ERC1: variants seen among roughly 807,000 people sequenced by gnomAD.
ERC1 encodes ELKS/RAB6-interacting/CAST family member 1.
ERC1 carries 56 observed loss-of-function variants against 132.0 expected under a neutral mutation model. That is an observed-to-expected ratio of 0.42 (90% CI 0.34 to 0.53). The LOEUF (loss-of-function observed/expected upper bound fraction) is 0.53. Among genes scored for constraint, ERC1 ranks in the 20% least tolerant of loss-of-function variants. The pLI is 0.03. For missense variants in ERC1, 1,202 were observed against 1,349.9 expected, an observed-to-expected ratio of 0.89 and a Z score of 1.72; for synonymous variants, 478 against 476.1, an observed-to-expected ratio of 1.00 and a Z score of -0.05.
intron 12 of ERC1, among the ~76,000 whole-genome samples, chr12:1,215,394 T>A (rs1958303556): frequency 6.6e-6 from 1 of 152,204 alleles, no homozygotes; most frequent in Non-Finnish European, 1.5e-5. Context: ...TAGTAATAAG[T>A]ACCATGAGTG....
intron 16 of ERC1, among the ~76,000 whole-genome samples, chr12:1,372,684 C>T (rs757502956): frequency 4.6e-5 from 7 of 152,336 alleles, no homozygotes; most frequent in Non-Finnish European, 1.0e-4. Context: ...CAGTGCTCCT[C>T]GTTGAGTGCT....
At chr12:1,143,648 CCTTTAATT>C (rs1270732727) in intron 8 of ERC1, among the ~76,000 whole-genome samples, 1 of 150,384 alleles carries the variant, frequency 6.6e-6, no homozygotes, top group East Asian at 1.9e-4. Context: ...TCATCTCCTG[CCTTTAATT>C]CTTTCTGTTG....
chr12:1,310,706 T>C (rs1022416213), intron 15 of ERC1, among the ~76,000 whole-genome samples: 2 of 152,270 alleles, frequency 1.3e-5, no homozygotes, highest in Non-Finnish European at 2.9e-5. Context: ...AGATTTTCCG[T>C]ATTTATCCTC....
At chr12:1,105,451 G>A (rs7486327) in intron 4 of ERC1, among the ~76,000 whole-genome samples, 31,649 of 151,920 alleles carry the variant, frequency 0.21, 3,498 homozygotes, top group Non-Finnish European at 0.24. Context: ...TCCGTCTCCC[G>A]GGTTCACGCC....
At chr12:1,233,437 C>T (rs2075192151) in intron 12 of ERC1, among the ~76,000 whole-genome samples, 1 of 142,444 alleles carries the variant, frequency 7.0e-6, no homozygotes, top group African/African-American at 2.7e-5. Context: ...CGCCACTGCA[C>T]TCCAGCCTGG....
chr12:1,273,910 T>C (rs562191510), intron 14 of ERC1, among the ~76,000 whole-genome samples: 1 of 152,354 alleles, frequency 6.6e-6, no homozygotes, highest in East Asian at 1.9e-4. Flanking sequence ...AGTTGGTCAT[T>C]TTTTAAATTT....
intron 17 of ERC1, among the ~76,000 whole-genome samples, chr12:1,427,258 T>TG (rs1248386279): frequency 2.0e-5 from 3 of 152,200 alleles, no homozygotes; most frequent in Non-Finnish European, 4.4e-5. Context: ...AAAGCACTGC[T>TG]GGGGGCCTTC....
chr12:1,308,544 A>G (rs537843213), intron 15 of ERC1, among the ~76,000 whole-genome samples: 1 of 152,214 alleles, frequency 6.6e-6, no homozygotes, highest in East Asian at 1.9e-4. Context: ...CAATCACTAA[A>G]TTTTTCGTGA....
intron 15 of ERC1, among the ~76,000 whole-genome samples, chr12:1,348,350 G>A (rs1033033898): frequency 6.6e-6 from 1 of 152,138 alleles, no homozygotes; most frequent in East Asian, 1.9e-4. Context: ...ACCATACACT[G>A]CCTGTATGGC....
chr12:1,393,761 C>CTCA (rs1315895695), intron 16 of ERC1, among the ~76,000 whole-genome samples: 1 of 151,788 alleles, frequency 6.6e-6, no homozygotes, highest in Non-Finnish European at 1.5e-5. Context: ...GGCATGGTGG[C>CTCA]TCATGCCTGT....
At position 1,073,145 on chromosome 12, in the gene ERC1, C is replaced by T. The variant is rs193275767; in HGVS notation, c.670-10019C>T. Among the ~76,000 whole-genome samples the T allele has an allele frequency of 5.8e-3, 886 of 152,020 alleles. 6 individuals carry two copies. The highest frequency in any genetic ancestry group is 0.021 in the African/African-American group (852 of 41,488). On this transcript the variant is annotated intron_variant, in intron 2 of 18. Coordinates refer to ENST00000360905, the MANE Select transcript of ERC1 (RefSeq NM_178040.4). ...TGAAACCTCGTCTCTACTAAAAATACAAAAATTAGCTAGGCATGGTGGCTG... is the reference window on the plus strand; with the variant it reads ...TGAAACCTCGTCTCTACTAAAAATATAAAAATTAGCTAGGCATGGTGGCTG...
At chr12:1,007,190 G>C (rs1157450644) in intron 1 of ERC1, among the ~76,000 whole-genome samples, 1 of 152,116 alleles carries the variant, frequency 6.6e-6, no homozygotes, top group Non-Finnish European at 1.5e-5. Context: ...AAAGAGGCTT[G>C]AAATTGGGTT....
chr12:1,443,480 A>G (rs995837264), intron 17 of ERC1: 1 of 152,218 alleles, frequency 6.6e-6, no homozygotes, highest in African/African-American at 2.4e-5. Context: ...TAGTTAGGCC[A>G]GAGGTGTCCT....
chr12:1,325,652 T>C (rs1031760091), intron 15 of ERC1, among the ~76,000 whole-genome samples: 2 of 152,198 alleles, frequency 1.3e-5, no homozygotes, highest in African/African-American at 4.8e-5. Context: ...AAATTAGATA[T>C]TTCAGATTGT....
intron 15 of ERC1, among the ~76,000 whole-genome samples, chr12:1,295,518 G>C (rs1566511949): frequency 6.6e-6 from 1 of 152,078 alleles, no homozygotes. Flanking sequence ...TAGAGATAGA[G>C]CCGTGGGGAA....
At position 1,494,737 on chromosome 12, in the gene ERC1, G is replaced by C. The variant is rs987703591; in HGVS notation, c.*4507G>C. On this transcript the variant is annotated 3_prime_UTR_variant, in exon 19 of 19. Transcript: ENST00000360905. ...TTGTCGATATTGTCTGTGTGATTCA[G>C]AGAATTGGGGCAGTTACATTGTGTC... is the stretch of plus-strand genomic sequence containing the variant. 8 of 231,192 alleles carry C rather than the reference G, an allele frequency of 3.5e-5. No homozygotes were observed. Among genetic ancestry groups the C allele is most frequent in the Non-Finnish European group, 6.8e-5 (8 of 116,848 alleles). 14.3% of individuals were successfully genotyped at this position (231,192 alleles called of 1,614,324 possible).
chr12:1,008,298 C>T (rs1964076052), intron 1 of ERC1, among the ~76,000 whole-genome samples: 1 of 151,956 alleles, frequency 6.6e-6, no homozygotes, highest in Non-Finnish European at 1.5e-5. Flanking sequence ...GAAATATGAG[C>T]CACATATGTA....
intron 8 of ERC1, among the ~76,000 whole-genome samples, chr12:1,168,784 C>G (rs1350495651): frequency 6.6e-6 from 1 of 151,796 alleles, no homozygotes; most frequent in African/African-American, 2.4e-5. Flanking sequence ...ATCGTGCCGG[C>G]TGTGACGGGT....
chr12:1,194,921 A>C (rs895908990), intron 12 of ERC1, among the ~76,000 whole-genome samples: 1 of 148,260 alleles, frequency 6.7e-6, no homozygotes, highest in Non-Finnish European at 1.5e-5. Flanking sequence ...AGGGAATATA[A>C]GAACCGGGAT....
Sources: allele counts gnomAD v4.1 joint callset (sites outside exome capture counted in the v4.1 genomes callset), GRCh38; gene constraint gnomAD v4.1.1; transcripts MANE v1.5; gene names NCBI Gene and HGNC (gene_info 2026-07-23, HGNC 2026-07-21).